Variants in LAMA2 observed in about 807,000 individuals in gnomAD.
LAMA2 encodes the protein laminin subunit alpha 2.
LAMA2 carries 269 observed loss-of-function variants against 364.8 expected under a neutral mutation model. The observed-to-expected ratio is 0.74, with a 90% CI of 0.67 to 0.82. LAMA2 has a LOEUF of 0.82. Among genes scored for constraint, LAMA2 ranks in the 40% least tolerant of loss-of-function variants. The pLI is 0.00. For synonymous variants in LAMA2, 1,379 were observed against 1,370.6 expected (o/e 1.01, Z -0.14); for missense variants, 3,807 against 3,873.2 (o/e 0.98, Z 0.45).
At chr6:129,383,088 A>G (rs1562512649) in intron 34 of LAMA2, 34 bp from the exon 35 acceptor site, 1 of 1,544,274 alleles carries the variant, frequency 6.5e-7, no homozygotes, top group Non-Finnish European at 8.9e-7. Context: ...CATCATCTCT[A>G]TTAATTATGT....
At chr6:129,076,629 C>A (rs1468077107) in intron 3 of LAMA2, among the ~76,000 whole-genome samples, 1 of 150,732 alleles carries the variant, frequency 6.6e-6, no homozygotes, top group Non-Finnish European at 1.5e-5. Context: ...TATGTAAACA[C>A]ACAAATGTTG....
At chr6:129,368,524 A>G (rs1411838516) in intron 33 of LAMA2, among the ~76,000 whole-genome samples, 2 of 152,250 alleles carry the variant, frequency 1.3e-5, no homozygotes, top group Non-Finnish European at 2.9e-5. Context: ...TTCCTTGTAT[A>G]TGGAGAGAAT....
At chr6:129,465,604 A>C (rs1286896454) in intron 51 of LAMA2, among the ~76,000 whole-genome samples, 1 of 151,794 alleles carries the variant, frequency 6.6e-6, no homozygotes, top group Non-Finnish European at 1.5e-5. Flanking sequence ...TTTTCTCCCT[A>C]TTTTGTCAAG....
intron 51 of LAMA2, among the ~76,000 whole-genome samples, chr6:129,465,882 A>G (rs1318346006): frequency 6.6e-6 from 1 of 151,946 alleles, no homozygotes; most frequent in Non-Finnish European, 1.5e-5. Flanking sequence ...ACATATATAT[A>G]AAAGATCTCA....
chr6:129,143,186 T>C (rs1778230738), intron 4 of LAMA2, among the ~76,000 whole-genome samples: 1 of 152,008 alleles, frequency 6.6e-6, no homozygotes, highest in Non-Finnish European at 1.5e-5. Flanking sequence ...TTTATTTCTC[T>C]TGATGTCAAC....
intron 7 of LAMA2, among the ~76,000 whole-genome samples, chr6:129,151,959 A>G (rs775836140): frequency 1.3e-5 from 2 of 152,196 alleles, no homozygotes; most frequent in African/African-American, 2.4e-5. Context: ...ATTGATTACT[A>G]TGTGTTCCCT....
intron 8 of LAMA2, 23 bp downstream of exon 8, chr6:129,154,706 T>G: frequency 6.3e-7 from 1 of 1,599,216 alleles, no homozygotes; most frequent in Non-Finnish European, 8.6e-7. Context: ...TTTTCTTTCA[T>G]AAAGAGTTAT....
Position 129,131,083 on chromosome 6 carries a change from G to T in LAMA2, c.640-12818G>T, listed in dbSNP as rs545230993. Reference sequence around the variant, plus strand: ...AAACAACCTATTATAAATTCTTCTGGGAAAGCATATTACAAATAATTGAAA... The same window carrying T: ...AAACAACCTATTATAAATTCTTCTGTGAAAGCATATTACAAATAATTGAAA... On this transcript the variant is annotated intron_variant, in intron 4 of 64. Transcript: ENST00000421865. Among the ~76,000 whole-genome samples, 4 of 152,208 alleles carry T rather than the reference G, an allele frequency of 2.6e-5. No individual in the cohort carries two copies. The South Asian group carries it at 8.3e-4, about 32-fold the overall frequency.
At chr6:129,099,617 C>T (rs189441428) in intron 4 of LAMA2, among the ~76,000 whole-genome samples, 1 of 152,270 alleles carries the variant, frequency 6.6e-6, no homozygotes, top group Non-Finnish European at 1.5e-5. Context: ...TCAGAAAACC[C>T]ATATTCACAT....
intron 1 of LAMA2, among the ~76,000 whole-genome samples, chr6:129,048,702 C>T: frequency 6.6e-6 from 1 of 151,454 alleles, no homozygotes; most frequent in African/African-American, 2.4e-5. Flanking sequence ...GCAACCTCCA[C>T]CTCCCGGGCT....
chr6:129,419,624 C>A (rs1296047155), intron 40 of LAMA2, among the ~76,000 whole-genome samples: 6 of 152,032 alleles, frequency 3.9e-5, no homozygotes, highest in Non-Finnish European at 8.8e-5. Flanking sequence ...TGAATGCTCC[C>A]TTGATTGTCC....
rs188848567 is a variant in LAMA2, at chr6:129,009,855, C to T, written c.113-40063C>T. ...TGGCTCTGGAGAACAATTATCATGA[C>T]GGGAGTATGCTTTCTTGATTATATG... On this transcript the variant is annotated intron_variant, in intron 1 of 64. Coordinates refer to ENST00000421865, the MANE Select transcript of LAMA2 (RefSeq NM_000426.4). Among the ~76,000 whole-genome samples the T allele has an allele frequency of 3.9e-5, 6 of 152,184 alleles. No individual in the cohort carries two copies. The East Asian group carries it at 5.8e-4, about 15-fold the overall frequency.
At chr6:128,948,361 T>G (rs536111699) in intron 1 of LAMA2, among the ~76,000 whole-genome samples, 1 of 152,270 alleles carries the variant, frequency 6.6e-6, no homozygotes, top group Non-Finnish European at 1.5e-5. Flanking sequence ...CTTCCCAGTT[T>G]ATGTATTTCA....
At chr6:129,047,885 C>G (rs1490802310) in intron 1 of LAMA2, among the ~76,000 whole-genome samples, 1 of 152,088 alleles carries the variant, frequency 6.6e-6, no homozygotes, top group Non-Finnish European at 1.5e-5. Flanking sequence ...ACCAGGTCCG[C>G]AAGGTAGCAC....
chr6:129,361,326 G>T (rs1039365772), intron 32 of LAMA2, among the ~76,000 whole-genome samples: 9 of 152,160 alleles, frequency 5.9e-5, no homozygotes. Context: ...CCTATGAATT[G>T]CAGCTTGAAA....
At chr6:129,058,015 G>A (rs560967521) in intron 2 of LAMA2, among the ~76,000 whole-genome samples, 1 of 152,294 alleles carries the variant, frequency 6.6e-6, no homozygotes, top group South Asian at 2.1e-4. Flanking sequence ...GTACAGGGAA[G>A]CTCACCTCCA....
chr6:129,331,622 C>A (rs1437790666), intron 29 of LAMA2, among the ~76,000 whole-genome samples: 1 of 152,030 alleles, frequency 6.6e-6, no homozygotes, highest in Non-Finnish European at 1.5e-5. Flanking sequence ...TGACATCACT[C>A]TGGCTAATCT....
At chr6:128,917,048 ATTCTT>A (rs113496229) in intron 1 of LAMA2, among the ~76,000 whole-genome samples, 5,880 of 151,908 alleles carry the variant, frequency 0.039, 393 homozygotes, top group African/African-American at 0.13. Context: ...GATCCACCTG[ATTCTT>A]TTCATTTTTT....
rs377679162 is a variant in LAMA2, at chr6:129,192,757, C to T, written c.1686C>T (p.Asp562=). 5.0e-6 allele frequency: 8 copies of T among 1,614,196 alleles called. No homozygotes were observed. The highest frequency in any genetic ancestry group is 1.3e-5 in the African/African-American group (1 of 75,062). The change falls in exon 12 of 65, where the codon GAC becomes GAT. Residue 562 remains aspartate (D), a synonymous_variant. Coordinates refer to ENST00000421865, the MANE Select transcript of LAMA2 (RefSeq NM_000426.4). ...IRVAPQQDDL[D]SPQQISISNA... ...TGGCTCCCCAGCAGGACGACTTGGA[C>T]TCACCTCAGCAGATCAGCATCAGTA... is the stretch of plus-strand genomic sequence containing the variant.
Sources: gnomAD v4.1 joint callset for allele counts (sites outside exome capture counted in the v4.1 genomes callset) on GRCh38, gnomAD v4.1.1 for gene constraint, MANE v1.5 for transcripts, NCBI Gene and HGNC (gene_info 2026-07-23, HGNC 2026-07-21) for gene names.